Variants in USP34 observed in about 807,000 individuals in gnomAD.
USP34 encodes ubiquitin specific peptidase 34, also known as ubiquitin carboxyl-terminal hydrolase 34.
In USP34, 70 loss-of-function variants were observed where a neutral mutation model predicts 460.3. The observed-to-expected ratio is 0.15, with a 90% CI of 0.13 to 0.19. USP34 has a LOEUF of 0.19. Ranked by LOEUF, USP34 falls within the 10% of genes least tolerant of loss-of-function variation. The pLI, the probability that USP34 is intolerant of heterozygous loss-of-function variation, is 1.00. For missense variants in USP34, 3,985 were observed against 4,236.2 expected (o/e 0.94, Z 1.65); for synonymous variants, 1,647 against 1,405.3 (o/e 1.17, Z -3.85).
At position 61,206,112 on chromosome 2, in the gene USP34, G is replaced by C; in HGVS notation, c.9059C>G (p.Ala3020Gly). ...AATTCGCTCCTGCCACTGGATTAAT[G>C]CTTGTTTCACATCTGCAAATATAAA... ...PYLQRKDVKQ[A>G]LIQWQERIEF... Residue 3020 changes from alanine (A) to glycine (G), a missense_variant, in exon 72 of 80, where the codon GCA becomes GGA. Physicochemically the swap from Ala to Gly is moderately conservative, Grantham distance 60. Transcript: ENST00000398571. The C allele has an allele frequency of 6.2e-7, 1 of 1,613,482 alleles. No individual in the cohort carries two copies. Among genetic ancestry groups the C allele is most frequent in the Non-Finnish European group, 8.5e-7 (1 of 1,179,610 alleles).
chr2:61,240,302 T>C (rs1304607450), intron 53 of USP34, among the ~76,000 whole-genome samples: 2 of 152,190 alleles, frequency 1.3e-5, no homozygotes, highest in African/African-American at 4.8e-5. Flanking sequence ...AAATACATTT[T>C]TTTTTGAGAC....
At chr2:61,336,604 G>A (rs375739486) in intron 18 of USP34, among the ~76,000 whole-genome samples, 1 of 151,426 alleles carries the variant, frequency 6.6e-6, no homozygotes, top group Non-Finnish European at 1.5e-5. Context: ...GAGGTCGGGA[G>A]TTCGAGACCA....
chr2:61,282,121 C>CT (rs1251432752), intron 37 of USP34, among the ~76,000 whole-genome samples: 2 of 152,164 alleles, frequency 1.3e-5, no homozygotes, highest in Admixed American at 1.3e-4. Flanking sequence ...TCCCGAGTAA[C>CT]TGAGATTACA....
chr2:61,421,774 AACACAC>A (rs34490089), intron 1 of USP34, among the ~76,000 whole-genome samples: 21 of 149,286 alleles, frequency 1.4e-4, no homozygotes, highest in East Asian at 6.2e-4. Flanking sequence ...TTACATTTAA[AACACAC>A]ACACACACAC....
intron 34 of USP34, among the ~76,000 whole-genome samples, chr2:61,285,710 A>G (rs999740137): frequency 3.3e-5 from 5 of 152,134 alleles, no homozygotes; most frequent in Non-Finnish European, 5.9e-5. Context: ...AAAAAACATC[A>G]AGTAGTAATA....
chr2:61,228,985 T>C lies in USP34; in HGVS notation c.7210A>G (p.Met2404Val). 5 of 1,586,970 alleles carry C rather than the reference T, an allele frequency of 3.2e-6. No individual in the cohort carries two copies. Among genetic ancestry groups the C allele is most frequent in the Non-Finnish European group, 3.4e-6 (4 of 1,167,018 alleles). Residue 2404 changes from methionine to valine, a missense_variant, in exon 60 of 80, where the codon ATG (methionine) becomes GTG (valine). Transcript: ENST00000398571. ...QPGMEDGSDDMDTSVEDIGGR... is the reference protein window; with the variant it reads ...QPGMEDGSDDVDTSVEDIGGR... ...CCAATATCTTCTACTGAGGTATCCATATCATCTGACCTAAGAGACAATTAA... is the reference window on the plus strand; with the variant it reads ...CCAATATCTTCTACTGAGGTATCCACATCATCTGACCTAAGAGACAATTAA...
intron 16 of USP34, among the ~76,000 whole-genome samples, chr2:61,341,875 G>A (rs1297654610): frequency 6.9e-6 from 1 of 144,930 alleles, no homozygotes; most frequent in Non-Finnish European, 1.5e-5. Flanking sequence ...TGATTCTCCT[G>A]CCTCAGCGTC....
intron 1 of USP34, among the ~76,000 whole-genome samples, chr2:61,423,041 A>T (rs1694408759): frequency 1.3e-5 from 2 of 152,178 alleles, no homozygotes; most frequent in Non-Finnish European, 2.9e-5. Flanking sequence ...AAACAAACAA[A>T]CAAAAAATAA....
At chr2:61,375,288 T>C (rs919829954) in intron 8 of USP34, among the ~76,000 whole-genome samples, 1 of 152,118 alleles carries the variant, frequency 6.6e-6, no homozygotes, top group African/African-American at 2.4e-5. Flanking sequence ...CCTCCTACAA[T>C]GCTAGTGGGG....
At chr2:61,382,464 C>G (rs1277574473) in intron 6 of USP34, among the ~76,000 whole-genome samples, 1 of 152,198 alleles carries the variant, frequency 6.6e-6, no homozygotes, top group Non-Finnish European at 1.5e-5. Flanking sequence ...TGACTCACGT[C>G]CATCAGATAT....
At chr2:61,325,079 C>G (rs1322173419) in intron 21 of USP34, among the ~76,000 whole-genome samples, 3 of 151,984 alleles carry the variant, frequency 2.0e-5, no homozygotes, top group Admixed American at 6.6e-5. Context: ...AACTAACAGA[C>G]ACTGGAGTCT....
At chr2:61,422,060 C>A (rs770157843) in intron 1 of USP34, among the ~76,000 whole-genome samples, 20 of 152,140 alleles carry the variant, frequency 1.3e-4, no homozygotes, top group Non-Finnish European at 2.5e-4. Context: ...GCTTTTGGGA[C>A]CTAGATCACA....
chr2:61,222,992 C>T lies in USP34; in HGVS notation c.7749+68G>A, dbSNP rs537673545. The T allele has an allele frequency of 1.4e-4, 193 of 1,382,360 alleles. No individual in the cohort carries two copies. The Middle Eastern group carries it at 2.0e-3, about 14-fold the overall frequency. 85.6% of individuals were successfully genotyped at this position (1,382,360 alleles called of 1,614,324 possible). A position where few individuals can be genotyped will look rare whatever the true frequency, so the allele number is the denominator to read the frequency against. The stretch of plus-strand genomic sequence containing the variant: ...GATTACAGGCATGAGCCACCGCACT[C>T]GGCCAGATTTCAGGGTATTCTTTTT... On this transcript the variant is annotated intron_variant, in intron 64 of 79. Coordinates refer to ENST00000398571, the MANE Select transcript of USP34 (RefSeq NM_014709.4).
intron 67 of USP34, among the ~76,000 whole-genome samples, chr2:61,217,781 C>T (rs1342090818): frequency 5.9e-5 from 9 of 151,918 alleles, no homozygotes; most frequent in Non-Finnish European, 7.4e-5. Context: ...GGTGAAACCC[C>T]GTCTCTACTA....
At chr2:61,225,352 GT>G (rs1687696982) in intron 62 of USP34, among the ~76,000 whole-genome samples, 1 of 151,848 alleles carries the variant, frequency 6.6e-6, no homozygotes, top group Non-Finnish European at 1.5e-5. Flanking sequence ...TACTATTACA[GT>G]TTAGGAAAAT....
intron 10 of USP34, among the ~76,000 whole-genome samples, chr2:61,362,594 T>A (rs1692308145): frequency 6.6e-6 from 1 of 152,158 alleles, no homozygotes; most frequent in Non-Finnish European, 1.5e-5. Context: ...CTCACTTACA[T>A]GATGAATTTA....
In USP34 at chr2:61,220,466, AACATG is replaced by A; in HGVS notation, c.7900-14_7900-10del. On this transcript the variant is annotated splice_polypyrimidine_tract_variant and intron_variant, in intron 66 of 79. Transcript: ENST00000398571. ...GGATTGTATTCAATCACCTACAAATAACATGACAAGAACAGAATATAAGGCCAACT... is the reference window on the plus strand; with the variant it reads ...GGATTGTATTCAATCACCTACAAATAACAAGAACAGAATATAAGGCCAACT... The A allele has an allele frequency of 6.2e-7, 1 of 1,603,790 alleles. No individual in the cohort carries two copies. Among genetic ancestry groups the A allele is most frequent in the Non-Finnish European group, 8.5e-7 (1 of 1,175,732 alleles).
intron 16 of USP34, among the ~76,000 whole-genome samples, chr2:61,340,325 A>G (rs1691552640): frequency 6.6e-6 from 1 of 152,318 alleles, no homozygotes; most frequent in African/African-American, 2.4e-5. Flanking sequence ...GGACATTTGG[A>G]TAGTTTCTAG....
chr2:61,343,411 C>T (rs918817959), intron 16 of USP34, among the ~76,000 whole-genome samples: 5 of 152,160 alleles, frequency 3.3e-5, no homozygotes, highest in African/African-American at 1.2e-4. Flanking sequence ...CACTAACCTT[C>T]TGCCTGCAGA....
Sources: allele counts gnomAD v4.1 joint callset (sites outside exome capture counted in the v4.1 genomes callset), GRCh38; gene constraint gnomAD v4.1.1; transcripts MANE v1.5; gene names NCBI Gene and HGNC (gene_info 2026-07-23, HGNC 2026-07-21).